The following KAT2A variants were observed in gnomAD, a reference collection of about 807,000 sequenced individuals.
KAT2A encodes histone acetyltransferase KAT2A.
A neutral mutation model predicts 95.2 loss-of-function variants in KAT2A; 42 were observed. The ratio of observed to expected loss-of-function variants is 0.44; its 90% CI spans 0.34 to 0.57. The LOEUF (loss-of-function observed/expected upper bound fraction) is 0.57, where lower values mean the gene tolerates loss of function less well. KAT2A is among the 20% of genes least tolerant of loss of function. KAT2A has a pLI of 0.01. For missense variants in KAT2A, 784 were observed against 1,126.3 expected (o/e 0.70, Z 4.35); for synonymous variants, 449 against 448.2 (o/e 1.00, Z -0.02).
At chr17:42,115,938 A>G (rs2054252498) in intron 11 of KAT2A, 105 bp from the exon 12 acceptor site, 1 of 743,816 alleles carries the variant, frequency 1.3e-6, no homozygotes, top group Non-Finnish European at 2.5e-6. Flanking sequence ...GGAGGTAGAG[A>G]GAGCGAGAGC....
Position 42,115,738 on chromosome 17 carries a change from G to T in KAT2A, c.1860C>A (p.Gly620=), listed in dbSNP as rs200107980. The change falls in exon 12 of 18, where the codon GGC becomes GGA. Residue 620 remains glycine, a synonymous_variant. Transcript: ENST00000225916. ...FLTYADEYAI[G]YFKKQGFSKD... ...TACGGGTCACCTGCTTTTTGAAGTA[G>T]CCGATGGCGTACTCGTCGGCGTAGG... 6.6e-5 allele frequency: 107 copies of T among 1,610,062 alleles called. No individual in the cohort carries two copies. The East Asian group carries it at 2.4e-3, about 36-fold the overall frequency.
chr17:42,119,905 A>G lies in KAT2A; in HGVS notation c.699+125T>C, dbSNP rs1555666921. 4 of 1,057,478 alleles carry G rather than the reference A, an allele frequency of 3.8e-6. No homozygotes were observed. The highest frequency in any genetic ancestry group is 5.7e-6 in the Non-Finnish European group (4 of 700,556). 65.5% of individuals were successfully genotyped at this position (1,057,478 alleles called of 1,614,324 possible). A position where few individuals can be genotyped will look rare whatever the true frequency, so the allele number is the denominator to read the frequency against. On this transcript the variant is annotated intron_variant, in intron 4 of 17. Coordinates refer to ENST00000225916, the MANE Select transcript of KAT2A (RefSeq NM_021078.3). The surrounding 1 kb of genome is among the most constrained non-coding windows in gnomAD (Gnocchi z 5.3). ...CATGCCCACCCTGAGGTTAGCACAA[A>G]ACACCCTTCCTTCTCTGAACCTCCC...
chr17:42,121,121 C>T lies in KAT2A; in HGVS notation c.184G>A (p.Gly62Arg), dbSNP rs1555667271. The stretch of plus-strand genomic sequence containing the variant: ...GCCCCCCCACTTCCTACCCCGGGCC[C>T]CCCAGTCCCTGTGCTGCCGGCTGGG... ...AAPAGSTGTG[G>R]PGVGSGGAGS... The change falls in exon 1 of 18, where the codon GGG becomes AGG. Residue 62 changes from glycine to arginine, a missense_variant. Around this residue, in one of 6 missense-constraint regions of KAT2A, gnomAD observed 142 missense variants for 123.2 expected, o/e 1.15. Transcript: ENST00000225916. 6.6e-7 allele frequency: 1 copy of T among 1,514,966 alleles called. No individual in the cohort carries two copies. The highest frequency in any genetic ancestry group is 1.4e-5 in the African/African-American group (1 of 72,696). The allele number at this position is 1,514,966 out of a possible 1,614,324, so 93.8% of individuals were successfully genotyped here.
Position 42,113,588 on chromosome 17 carries a change from G to C in KAT2A, c.*61C>G. On this transcript the variant is annotated 3_prime_UTR_variant, in exon 18 of 18. Coordinates refer to ENST00000225916, the MANE Select transcript of KAT2A (RefSeq NM_021078.3). ...TCCGTGGGGCCAGGGCACCCCCTAA[G>C]GATCAGATCAGAATCCGAGGTGGAG... The C allele has an allele frequency of 6.6e-7, 1 of 1,518,210 alleles. No individual in the cohort carries two copies. The highest frequency in any genetic ancestry group is 1.2e-5 in the South Asian group (1 of 84,044). The allele number at this position is 1,518,210 out of a possible 1,614,324, so 94.0% of individuals were successfully genotyped here.
At position 42,113,555 on chromosome 17, in the gene KAT2A, G is replaced by A. The variant is rs560007383; in HGVS notation, c.*94C>T. 5 of 1,249,596 alleles carry A rather than the reference G, an allele frequency of 4.0e-6. No individual in the cohort carries two copies. The South Asian group carries it at 6.7e-5, about 17-fold the overall frequency. The allele number at this position is 1,249,596 out of a possible 1,614,324, so 77.4% of individuals were successfully genotyped here. On this transcript the variant is annotated 3_prime_UTR_variant, in exon 18 of 18. Coordinates refer to ENST00000225916, the MANE Select transcript of KAT2A (RefSeq NM_021078.3). ...ACCCTTGGCTGGAGTGTCTCAAGCTGAGTCGGGTCCGTGGGGCCAGGGCAC... is the reference window on the plus strand; with the variant it reads ...ACCCTTGGCTGGAGTGTCTCAAGCTAAGTCGGGTCCGTGGGGCCAGGGCAC...
At position 42,116,322 on chromosome 17, in the gene KAT2A, C is replaced by T. The variant is rs184274385; in HGVS notation, c.1765-489G>A. Among the ~76,000 whole-genome samples the T allele has an allele frequency of 9.9e-4, 151 of 152,308 alleles. 3 individuals are homozygous for T. The East Asian group carries it at 0.027, about 27-fold the overall frequency. On this transcript the variant is annotated intron_variant, in intron 11 of 17. Transcript: ENST00000225916. The stretch of plus-strand genomic sequence containing the variant: ...ACACGTCAGGGCCAATGAGGCACCA[C>T]ACAGATCTGAGGTATGCGACACACA...
At position 42,119,046 on chromosome 17, in the gene KAT2A, C is replaced by G; in HGVS notation, c.1073+199G>C. 1 of 1,420,930 alleles carries G rather than the reference C, an allele frequency of 7.0e-7. No individual in the cohort carries two copies. Among genetic ancestry groups the G allele is most frequent in the Non-Finnish European group, 9.2e-7 (1 of 1,089,068 alleles). The allele number at this position is 1,420,930 out of a possible 1,614,324, so 88.0% of individuals were successfully genotyped here. A position where few individuals can be genotyped will look rare whatever the true frequency, so the allele number is the denominator to read the frequency against. On this transcript the variant is annotated intron_variant, in intron 6 of 17. Coordinates refer to ENST00000225916, the MANE Select transcript of KAT2A (RefSeq NM_021078.3). The surrounding 1 kb of genome is among the most constrained non-coding windows in gnomAD (Gnocchi z 5.3). ...CGGGTGGGGGCAGCGTTAGCTTGGG[C>G]TATGTACCTGCCATCCCCAGACTAG...
intron 1 of KAT2A, 60 bp from the exon 2 acceptor site, chr17:42,120,889 C>CA: frequency 6.4e-7 from 1 of 1,564,908 alleles, no homozygotes; most frequent in South Asian, 1.2e-5. Flanking sequence ...GCTCCGCAGC[C>CA]AGAGCTTTGA....
rs1555667148 is a variant in KAT2A, at chr17:42,120,836, G to A, written c.340-7C>T. ...ACTTACAGGTTTCATTGGCCTGGAGGTGGAAGGATCAGTCAATGACCTATA... is the reference window on the plus strand; with the variant it reads ...ACTTACAGGTTTCATTGGCCTGGAGATGGAAGGATCAGTCAATGACCTATA... On this transcript the variant is annotated splice_polypyrimidine_tract_variant and splice_region_variant and intron_variant, in intron 1 of 17. Transcript: ENST00000225916. The A allele has an allele frequency of 1.9e-6, 3 of 1,607,524 alleles. No individual in the cohort carries two copies. The highest frequency in any genetic ancestry group is 1.7e-4 in the Middle Eastern group (1 of 6,056).
Position 42,119,807 on chromosome 17 carries a change from C to A in KAT2A, c.700-89G>T. 8.2e-7 allele frequency: 1 copy of A among 1,213,720 alleles called. No individual in the cohort carries two copies. The highest frequency in any genetic ancestry group is 1.5e-5 in the African/African-American group (1 of 65,424). The allele number at this position is 1,213,720 out of a possible 1,614,324, so 75.2% of individuals were successfully genotyped here. ...TAGACAAAGGAAGATGCTCCCTGGCCAGGGACAAGGTTCTCCTTCTCCTCT... is the reference window on the plus strand; with the variant it reads ...TAGACAAAGGAAGATGCTCCCTGGCAAGGGACAAGGTTCTCCTTCTCCTCT... On this transcript the variant is annotated intron_variant, in intron 4 of 17. Coordinates refer to ENST00000225916, the MANE Select transcript of KAT2A (RefSeq NM_021078.3). This position sits in a 1 kb window ranked among gnomAD's most constrained non-coding sequence, Gnocchi z 5.3.
rs1555667345 is a variant in KAT2A, at chr17:42,121,255, C to T, written c.50G>A (p.Arg17Gln). 1 of 1,290,816 alleles carries T rather than the reference C, an allele frequency of 7.7e-7. No homozygotes were observed. The highest frequency in any genetic ancestry group is 1.0e-6 in the Non-Finnish European group (1 of 995,586). The allele number at this position is 1,290,816 out of a possible 1,614,324, so 80.0% of individuals were successfully genotyped here. Residue 17 changes from arginine (R) to glutamine (Q), a missense_variant, in exon 1 of 18, where the codon CGG becomes CAG. Arg to Gln is a conservative substitution (Grantham distance 43). Coordinates refer to ENST00000225916, the MANE Select transcript of KAT2A (RefSeq NM_021078.3). ...APTPAPAAQPRPLQSPAPAPT... is the reference protein window; with the variant it reads ...APTPAPAAQPQPLQSPAPAPT... The stretch of plus-strand genomic sequence containing the variant: ...GGCAGGGGCTGGGGACTGAAGGGGC[C>T]GGGGCTGCGCAGCCGGGGCCGGGGT...
Position 42,116,599 on chromosome 17 carries a change from T to C in KAT2A, c.1764+436A>G, listed in dbSNP as rs143458063. 2.6e-3 allele frequency among the ~76,000 whole-genome samples: 403 copies of C among 152,308 alleles called. 3 individuals are homozygous for C. The highest frequency in any genetic ancestry group is 9.3e-3 in the African/African-American group (386 of 41,560). ...AAAGTTAGCCAGACGTAGTGGTGCA[T>C]GCCTGTGGTCCCAGCTACTTGGGAG... is the stretch of plus-strand genomic sequence containing the variant. On this transcript the variant is annotated intron_variant, in intron 11 of 17. Transcript: ENST00000225916.
At position 42,113,597 on chromosome 17, in the gene KAT2A, C is replaced by A; in HGVS notation, c.*52G>T. ...CCAGGGCACCCCCTAAGGATCAGAT[C>A]AGAATCCGAGGTGGAGACATTCCAG... On this transcript the variant is annotated 3_prime_UTR_variant, in exon 18 of 18. Coordinates refer to ENST00000225916, the MANE Select transcript of KAT2A (RefSeq NM_021078.3). 3 of 1,552,552 alleles carry A rather than the reference C, an allele frequency of 1.9e-6. No individual in the cohort carries two copies. The highest frequency in any genetic ancestry group is 2.6e-6 in the Non-Finnish European group (3 of 1,145,864).
At position 42,119,603 on chromosome 17, in the gene KAT2A, G is replaced by A; in HGVS notation, c.815C>T (p.Thr272Ile). 1 of 1,613,986 alleles carries A rather than the reference G, an allele frequency of 6.2e-7. No individual in the cohort carries two copies. The highest frequency in any genetic ancestry group is 2.2e-5 in the East Asian group (1 of 44,872). ...LLCLNYWKLE[T>I]PAQFRQRSQA... is the part of the protein sequence containing the mutation. The stretch of plus-strand genomic sequence containing the variant: ...AGACCTCTGCCGAAACTGGGCAGGT[G>A]TCTCAAGCTTCCAGTAGTTAAGGCA... The change falls in exon 5 of 18, where the codon ACA becomes ATA. Residue 272 changes from threonine to isoleucine, a missense_variant. Around this residue, in one of 6 missense-constraint regions of KAT2A, gnomAD observed 208 missense variants for 339.7 expected, o/e 0.61. Transcript: ENST00000225916. This position sits in a 1 kb window ranked among gnomAD's most constrained non-coding sequence, Gnocchi z 5.3.
At position 42,119,021 on chromosome 17, in the gene KAT2A, C is replaced by A. The variant is rs969062647; in HGVS notation, c.1073+224G>T. On this transcript the variant is annotated intron_variant, in intron 6 of 17. Transcript: ENST00000225916. This position sits in a 1 kb window ranked among gnomAD's most constrained non-coding sequence, Gnocchi z 5.3. The stretch of plus-strand genomic sequence containing the variant: ...AGTAACATCTACTGGGGCGTAGGGT[C>A]GGGTGGGGGCAGCGTTAGCTTGGGC... 6.6e-6 allele frequency: 9 copies of A among 1,367,224 alleles called. No homozygotes were observed. In the Admixed American group the frequency reaches 1.0e-4, roughly 16 times the overall value. The allele number at this position is 1,367,224 out of a possible 1,614,324, so 84.7% of individuals were successfully genotyped here.
chr17:42,114,625 A>G lies in KAT2A; in HGVS notation c.2020-21T>C. 6.3e-7 allele frequency: 1 copy of G among 1,596,872 alleles called. No individual in the cohort carries two copies. Among genetic ancestry groups the G allele is most frequent in the African/African-American group, 1.3e-5 (1 of 74,620 alleles). ...ATGATCTGAGGGAAGGAAGGGACTG[A>G]GGGGCCAACTCCAGCCCCAACAACA... On this transcript the variant is annotated intron_variant, in intron 13 of 17. Transcript: ENST00000225916. This position sits in a 1 kb window ranked among gnomAD's most constrained non-coding sequence, Gnocchi z 6.0.
intron 11 of KAT2A, among the ~76,000 whole-genome samples, 154 bp downstream of exon 11, chr17:42,116,881 A>AGTAC (rs1262739864): frequency 3.3e-5 from 5 of 152,186 alleles, no homozygotes; most frequent in Non-Finnish European, 7.3e-5. Context: ...CAGTTATCAA[A>AGTAC]GTACGGCTGC....
chr17:42,117,089 G>A lies in KAT2A; in HGVS notation c.1710C>T (p.Thr570=), dbSNP rs1568011033. The change falls in exon 11 of 18, where the codon ACC becomes ACT. Residue 570 remains threonine, a synonymous_variant. Coordinates refer to ENST00000225916, the MANE Select transcript of KAT2A (RefSeq NM_021078.3). This position sits in a 1 kb window ranked among gnomAD's most constrained non-coding sequence, Gnocchi z 8.9. ...IGGICFRMFP[T]QGFTEIVFCA... ...AGAAGACAATCTCCGTGAAGCCCTG[G>A]GTGGGAAACATGCGGAAGCAGATGC... is the stretch of plus-strand genomic sequence containing the variant. 6.2e-7 allele frequency: 1 copy of A among 1,614,146 alleles called. No homozygotes were observed. Among genetic ancestry groups the A allele is most frequent in the South Asian group, 1.1e-5 (1 of 91,092 alleles).
chr17:42,114,938 C>A lies in KAT2A; in HGVS notation c.1973G>T (p.Arg658Leu). Residue 658 changes from arginine (R) to leucine (L), a missense_variant, in exon 13 of 18, where the codon CGC (arginine) becomes CTC (leucine). By Grantham distance (102) the Arg-to-Leu change is moderately radical. Coordinates refer to ENST00000225916, the MANE Select transcript of KAT2A (RefSeq NM_021078.3). This position sits in a 1 kb window ranked among gnomAD's most constrained non-coding sequence, Gnocchi z 6.0. ...ATLMECELNP[R>L]IPYTELSHII... ...GTGGGACAGCTCCGTGTAGGGGATG[C>A]GGGGATTCAGCTCACACTCCATCAG... 1 of 1,613,974 alleles carries A rather than the reference C, an allele frequency of 6.2e-7. No individual in the cohort carries two copies. Among genetic ancestry groups the A allele is most frequent in the Non-Finnish European group, 8.5e-7 (1 of 1,179,912 alleles).
Sources: gnomAD v4.1 joint callset for allele counts (sites outside exome capture counted in the v4.1 genomes callset) on GRCh38, gnomAD v4.1.1 for gene constraint, gnomAD v4.1.1 regional missense constraint, Gnocchi (gnomAD v3.1) non-coding constraint, MANE v1.5 for transcripts, NCBI Gene and HGNC (gene_info 2026-07-23, HGNC 2026-07-21) for gene names.